The following TTBK1 variants were observed in gnomAD, a reference collection of about 807,000 sequenced individuals.
TTBK1 encodes the protein tau-tubulin kinase 1.
In TTBK1, 34 loss-of-function variants were observed where a neutral mutation model predicts 108.5. The observed-to-expected ratio is 0.31, with a 90% CI of 0.24 to 0.42. The LOEUF (loss-of-function observed/expected upper bound fraction) is 0.42. Ranked by LOEUF, TTBK1 falls within the 10% of genes least tolerant of loss-of-function variation. The pLI is 1.00. For missense variants in TTBK1, 1,539 were observed against 1,826.0 expected, an observed-to-expected ratio of 0.84 and a Z score of 2.86; for synonymous variants, 809 against 795.1, an observed-to-expected ratio of 1.02 and a Z score of -0.29.
chr6:43,285,152 TCCC>T lies in TTBK1; in HGVS notation c.3746_3748del (p.Pro1249del). On this transcript the variant is annotated inframe_deletion, in exon 15 of 15. Transcript: ENST00000259750. This position sits in a 1 kb window ranked among gnomAD's most constrained non-coding sequence, Gnocchi z 4.7. ...ATCCGCCGCGCGCAATGCCAGCGCGTCCCCCCGGAGCCAGTCCCTGTCCCGCAG... is the reference window on the plus strand; with the variant it reads ...ATCCGCCGCGCGCAATGCCAGCGCGTCCCGGAGCCAGTCCCTGTCCCGCAG... The T allele has an allele frequency of 7.0e-7, 1 of 1,424,984 alleles. No individual in the cohort carries two copies. The highest frequency in any genetic ancestry group is 9.1e-7 in the Non-Finnish European group (1 of 1,097,530). 88.3% of individuals were successfully genotyped at this position (1,424,984 alleles called of 1,614,324 possible).
chr6:43,253,234 G>T lies in TTBK1; in HGVS notation c.257-57G>T. 2 of 1,587,452 alleles carry T rather than the reference G, an allele frequency of 1.3e-6. No homozygotes were observed. Among genetic ancestry groups the T allele is most frequent in the Middle Eastern group, 1.7e-4 (1 of 6,022 alleles). ...AGAGTGCACTAGGAACCCATCTTAG[G>T]GTTGGAAATGAGGAAGAAAGAGTAA... On this transcript the variant is annotated intron_variant, in intron 3 of 14. Transcript: ENST00000259750. The surrounding 1 kb of genome is among the most constrained non-coding windows in gnomAD (Gnocchi z 5.8).
Position 43,282,705 on chromosome 6 carries a change from T to C in TTBK1, c.1987-22T>C. 1 of 1,572,280 alleles carries C rather than the reference T, an allele frequency of 6.4e-7. No homozygotes were observed. The highest frequency in any genetic ancestry group is 8.6e-7 in the Non-Finnish European group (1 of 1,159,230). On this transcript the variant is annotated intron_variant, in intron 13 of 14. Coordinates refer to ENST00000259750, the MANE Select transcript of TTBK1 (RefSeq NM_032538.3). The surrounding 1 kb of genome is among the most constrained non-coding windows in gnomAD (Gnocchi z 5.4). ...CAGGAGGGTGGGTGACCTCAGAGGGTCCCTGTGTATGCCCCTTGCAGGTGT... is the reference window on the plus strand; with the variant it reads ...CAGGAGGGTGGGTGACCTCAGAGGGCCCCTGTGTATGCCCCTTGCAGGTGT...
At position 43,283,171 on chromosome 6, in the gene TTBK1, G is replaced by A; in HGVS notation, c.2431G>A (p.Asp811Asn). ...QEGAPSTLLA[D>N]DQKESRGRAS... ...GGGTGCCCCGTCCACGCTGCTGGCAGACGATCAGAAGGAGTCCAGGGGCCG... is the reference window on the plus strand; with the variant it reads ...GGGTGCCCCGTCCACGCTGCTGGCAAACGATCAGAAGGAGTCCAGGGGCCG... Residue 811 changes from aspartate to asparagine, a missense_variant, in exon 14 of 15, where the codon GAC becomes AAC. Asp to Asn is a conservative substitution (Grantham distance 23). Around this residue, in one of 5 missense-constraint regions of TTBK1, gnomAD observed 1,055 missense variants for 1,086.5 expected, o/e 0.97. Transcript: ENST00000259750. This position sits in a 1 kb window ranked among gnomAD's most constrained non-coding sequence, Gnocchi z 8.1. 6.4e-7 allele frequency: 1 copy of A among 1,558,236 alleles called. No individual in the cohort carries two copies. The highest frequency in any genetic ancestry group is 2.1e-4 in the Middle Eastern group (1 of 4,810).
At chr6:43,251,849 C>T (rs999283821) in intron 2 of TTBK1, among the ~76,000 whole-genome samples, 2 of 152,166 alleles carry the variant, frequency 1.3e-5, no homozygotes, top group African/African-American at 4.8e-5. Flanking sequence ...ACGTGAACTT[C>T]GGCAGTGAGC....
At chr6:43,281,835 G>T (rs1038649090) in intron 13 of TTBK1, among the ~76,000 whole-genome samples, 1 of 152,206 alleles carries the variant, frequency 6.6e-6, no homozygotes, top group African/African-American at 2.4e-5. Context: ...GGTGCCTGGG[G>T]ATGTCTGTGT....
rs1179517657 is a variant in TTBK1 at position 43,284,414 on chromosome 6, G to C, written c.3572+102G>C. The stretch of plus-strand genomic sequence containing the variant: ...AAGGTCAGGGGCTATGGAAGATCAG[G>C]AGGGACCCTCAGTGACACCTCCTGT... On this transcript the variant is annotated intron_variant, in intron 14 of 14. Transcript: ENST00000259750. 6 of 892,008 alleles carry C rather than the reference G, an allele frequency of 6.7e-6. No homozygotes were observed. The East Asian group carries it at 2.5e-4, about 38-fold the overall frequency. 55.3% of individuals were successfully genotyped at this position (892,008 alleles called of 1,614,324 possible).
chr6:43,253,237 T>C lies in TTBK1; in HGVS notation c.257-54T>C. ...GTGCACTAGGAACCCATCTTAGGGT[T>C]GGAAATGAGGAAGAAAGAGTAAGAG... On this transcript the variant is annotated intron_variant, in intron 3 of 14. Transcript: ENST00000259750. This position sits in a 1 kb window ranked among gnomAD's most constrained non-coding sequence, Gnocchi z 5.8. 6.3e-7 allele frequency: 1 copy of C among 1,594,080 alleles called. No homozygotes were observed.
intron 6 of TTBK1, 88 bp from the exon 7 acceptor site, chr6:43,254,961 G>T (rs1777346034): frequency 7.6e-7 from 1 of 1,321,258 alleles, no homozygotes; most frequent in African/African-American, 1.4e-5. Flanking sequence ...AGGTGGTCAG[G>T]GTGAAGAGTT....
At chr6:43,267,003 G>A (rs1777697112) in intron 13 of TTBK1, among the ~76,000 whole-genome samples, 1 of 18,710 alleles carries the variant, frequency 5.3e-5, no homozygotes, top group Non-Finnish European at 9.9e-5. Flanking sequence ...GCATGCGTGT[G>A]TGTGTGTGTG....
chr6:43,271,611 T>C (rs926821855), intron 13 of TTBK1: 1 of 985,156 alleles, frequency 1.0e-6, no homozygotes, highest in African/African-American at 1.7e-5. Flanking sequence ...CCCTGGCCCC[T>C]GCCTGGGGGT....
Position 43,276,964 on chromosome 6 carries a change from C to T in TTBK1, c.1987-5763C>T, listed in dbSNP as rs1582513918. ...AGGGAAGGGGTGAGTGGACTCTGGT[C>T]TCTGGGACTCAGCTCCAAATTGCCA... is the stretch of plus-strand genomic sequence containing the variant. On this transcript the variant is annotated intron_variant, in intron 13 of 14. Transcript: ENST00000259750. The surrounding 1 kb of genome is among the most constrained non-coding windows in gnomAD (Gnocchi z 5.4). 4.6e-5 allele frequency among the ~76,000 whole-genome samples: 7 copies of T among 152,298 alleles called. No individual in the cohort carries two copies. The South Asian group carries it at 1.5e-3, about 32-fold the overall frequency.
chr6:43,263,064 C>T lies in TTBK1; in HGVS notation c.1700C>T (p.Thr567Met), dbSNP rs909381723. The T allele has an allele frequency of 1.9e-6, 3 of 1,582,092 alleles. No individual in the cohort carries two copies. The highest frequency in any genetic ancestry group is 2.3e-5 in the South Asian group (2 of 86,976). ...PGAEPSTSGT[T>M]DEEPEELRPL... is the part of the protein sequence containing the mutation. ...GCTGAGCCCAGCACATCGGGCACCACGGATGAGGAGCCCGAGGAGCTGCGG... is the reference window on the plus strand; with the variant it reads ...GCTGAGCCCAGCACATCGGGCACCATGGATGAGGAGCCCGAGGAGCTGCGG... The change falls in exon 13 of 15, where the codon ACG becomes ATG. Residue 567 changes from threonine to methionine, a missense_variant. By Grantham distance (81) the Thr-to-Met change is moderately conservative (BLOSUM62 -1). Around this residue, in one of 5 missense-constraint regions of TTBK1, gnomAD observed 1,055 missense variants for 1,086.5 expected, o/e 0.97. Coordinates refer to ENST00000259750, the MANE Select transcript of TTBK1 (RefSeq NM_032538.3). The surrounding 1 kb of genome is among the most constrained non-coding windows in gnomAD (Gnocchi z 4.7).
In TTBK1 at chr6:43,269,323, A is replaced by G. The variant is rs541195460; in HGVS notation, c.1986+5973A>G. On this transcript the variant is annotated intron_variant, in intron 13 of 14. Coordinates refer to ENST00000259750, the MANE Select transcript of TTBK1 (RefSeq NM_032538.3). The surrounding 1 kb of genome is among the most constrained non-coding windows in gnomAD (Gnocchi z 4.8). ...CCTGAGAGAAAGGGTTCCCCAGTCC[A>G]GAACAACCCTGAGCTAGGTAGGACT... 1.3e-5 allele frequency among the ~76,000 whole-genome samples: 2 copies of G among 152,228 alleles called. No individual in the cohort carries two copies. The highest frequency in any genetic ancestry group is 2.1e-4 in the South Asian group (1 of 4,834).
chr6:43,246,154 G>A (rs1285447932), intron 1 of TTBK1, among the ~76,000 whole-genome samples: 2 of 152,150 alleles, frequency 1.3e-5, no homozygotes, highest in Non-Finnish European at 2.9e-5. Context: ...TGTCCCATGG[G>A]TCACCCCTTG....
At chr6:43,277,203 C>T (rs549746091) in intron 13 of TTBK1, among the ~76,000 whole-genome samples, 1 of 152,168 alleles carries the variant, frequency 6.6e-6, no homozygotes, top group East Asian at 1.9e-4. Context: ...GAGATGCAGC[C>T]CTGGCCTTGG....
chr6:43,260,618 C>T (rs575651129), intron 12 of TTBK1, among the ~76,000 whole-genome samples: 50 of 152,096 alleles, frequency 3.3e-4, no homozygotes, highest in South Asian at 2.9e-3. Context: ...TCCCTGGAGA[C>T]GGAGAAATGA....
chr6:43,269,796 C>G lies in TTBK1; in HGVS notation c.1986+6446C>G, dbSNP rs1331739428. 4 of 1,561,312 alleles carry G rather than the reference C, an allele frequency of 2.6e-6. No homozygotes were observed. In the Admixed American group the frequency reaches 7.4e-5, roughly 29 times the overall value. On this transcript the variant is annotated intron_variant, in intron 13 of 14. Transcript: ENST00000259750. This position sits in a 1 kb window ranked among gnomAD's most constrained non-coding sequence, Gnocchi z 4.8. ...CTCGGGCTCCTCCGGTTCCCTCATT[C>G]AGCGCAGCCGCTCGGCTGAGAGCAG...
At chr6:43,254,456 T>G in intron 5 of TTBK1, 91 bp from the exon 6 acceptor site, 1 of 882,164 alleles carries the variant, frequency 1.1e-6, no homozygotes, top group South Asian at 1.9e-5. Context: ...CTGAAAGCCC[T>G]TCACCAGCTG....
chr6:43,285,148 C>T lies in TTBK1; in HGVS notation c.3738C>T (p.Ser1246=), dbSNP rs1372763467. 3.5e-6 allele frequency: 5 copies of T among 1,429,140 alleles called. No homozygotes were observed. The highest frequency in any genetic ancestry group is 1.5e-5 in the South Asian group (1 of 67,428). 88.5% of individuals were successfully genotyped at this position (1,429,140 alleles called of 1,614,324 possible). ...CCACATCCGCCGCGCGCAATGCCAG[C>T]GCGTCCCCCCGGAGCCAGTCCCTGT... is the stretch of plus-strand genomic sequence containing the variant. ...PASTSAARNA[S]ASPRSQSLSR... Residue 1246 remains serine (S), a synonymous_variant, in exon 15 of 15, where the codon AGC becomes AGT. Coordinates refer to ENST00000259750, the MANE Select transcript of TTBK1 (RefSeq NM_032538.3). The surrounding 1 kb of genome is among the most constrained non-coding windows in gnomAD (Gnocchi z 4.7).
Sources: allele counts gnomAD v4.1 joint callset (sites outside exome capture counted in the v4.1 genomes callset), GRCh38; gene constraint gnomAD v4.1.1; regional missense constraint gnomAD v4.1.1; non-coding constraint Gnocchi (gnomAD v3.1); transcripts MANE v1.5; gene names NCBI Gene and HGNC (gene_info 2026-07-23, HGNC 2026-07-21).